The following CYP4F11 variants were observed in gnomAD, a reference collection of about 807,000 sequenced individuals.
CYP4F11 encodes the protein cytochrome P450 family 4 subfamily F member 11, also known as cytochrome P450 4F11.
Under a neutral mutation model 62.2 loss-of-function variants are expected in CYP4F11, and 79 were observed. The observed-to-expected ratio is 1.27, with a 90% CI of 1.06 to 1.53. The LOEUF (loss-of-function observed/expected upper bound fraction) is 1.53. CYP4F11 is among the 40% of genes most tolerant of loss of function. The pLI is 0.00. For synonymous variants in CYP4F11, 290 were observed against 263.7 expected (o/e 1.10, Z -0.97); for missense variants, 777 against 680.5 (o/e 1.14, Z -1.58).
intron 8 of CYP4F11, among the ~76,000 whole-genome samples, chr19:15,917,818 T>A (rs1381344892): frequency 1.3e-5 from 2 of 152,192 alleles, no homozygotes; most frequent in Non-Finnish European, 2.9e-5. Context: ...TATCCCACTC[T>A]TATTTAAGGA....
chr19:15,913,979 T>C, intron 11 of CYP4F11, 70 bp from the exon 12 acceptor site: 1 of 1,538,010 alleles, frequency 6.5e-7, no homozygotes, highest in East Asian at 2.3e-5. Context: ...GCTTAGAACC[T>C]GGCCTGGGAC....
intron 1 of CYP4F11, 116 bp from the exon 2 acceptor site, chr19:15,929,717 A>G (rs1250609676): frequency 8.3e-7 from 1 of 1,205,438 alleles, no homozygotes; most frequent in Non-Finnish European, 1.2e-6. Context: ...ATGCTGGTAA[A>G]ACATTATTTC....
intron 2 of CYP4F11, 26 bp from the exon 3 acceptor site, chr19:15,927,509 G>T: frequency 6.2e-7 from 1 of 1,612,758 alleles, no homozygotes; most frequent in Non-Finnish European, 8.5e-7. Context: ...ACCATCAGTG[G>T]CCATGGAGAG....
chr19:15,928,951 G>C (rs976392708), intron 2 of CYP4F11, among the ~76,000 whole-genome samples: 1 of 152,184 alleles, frequency 6.6e-6, no homozygotes, highest in Non-Finnish European at 1.5e-5. Flanking sequence ...GGACAGACAA[G>C]GCTGATGCCA....
At chr19:15,927,648 G>C (rs935635634) in intron 2 of CYP4F11, 165 bp from the exon 3 acceptor site, 3 of 862,786 alleles carry the variant, frequency 3.5e-6, no homozygotes, top group Middle Eastern at 5.9e-4. Context: ...GGAGGAAGGA[G>C]AGACCAGACC....
rs2145036117 is a variant in CYP4F11 at position 15,914,859 on chromosome 19, G to A, written c.1152C>T (p.Cys384=). ...DLAQLPFLTM[C]IKESLRLHPP... is the part of the protein sequence containing the mutation. ...GATGCAACCGCAGGCTCTCCTTAAT[G>A]CACATGGTCAGGAAGGGCAGCTGGG... Residue 384 remains cysteine (C), a synonymous_variant, in exon 9 of 12, where the codon TGC becomes TGT. Transcript: ENST00000402119. 1.9e-6 allele frequency: 3 copies of A among 1,614,144 alleles called. No homozygotes were observed. The highest frequency in any genetic ancestry group is 2.5e-6 in the Non-Finnish European group (3 of 1,180,014).
Position 15,927,291 on chromosome 19 carries a change from C to A in CYP4F11, c.446G>T (p.Arg149Leu). 1 of 1,614,142 alleles carries A rather than the reference C, an allele frequency of 6.2e-7. No homozygotes were observed. The highest frequency in any genetic ancestry group is 1.1e-5 in the South Asian group (1 of 91,076). The change falls in exon 4 of 12, where the codon CGG becomes CTG. Residue 149 changes from arginine to leucine, a missense_variant. Transcript: ENST00000402119. ...GAAATGGAAGGCAGGCGTCAACATC[C>A]GACGGTGGCGGCTCCACTTGTCACC... ...SGGDKWSRHR[R>L]MLTPAFHFNI...
In CYP4F11 at chr19:15,923,892, T is replaced by G; in HGVS notation, c.838A>C (p.Thr280Pro). Residue 280 changes from threonine (T) to proline (P), a missense_variant, in exon 6 of 12, where the codon ACT becomes CCT. Transcript: ENST00000402119. ...VIQERRCTLP[T>P]QGIDDFLKNK... Reference sequence around the variant, plus strand: ...TTGAGGAAATCATCAATACCCTGAGTGGGGAGGGTGCAGCGCCGCTCCTGG... The same window carrying G: ...TTGAGGAAATCATCAATACCCTGAGGGGGGAGGGTGCAGCGCCGCTCCTGG... 2 of 1,614,072 alleles carry G rather than the reference T, an allele frequency of 1.2e-6. No homozygotes were observed. Among genetic ancestry groups the G allele is most frequent in the Non-Finnish European group, 1.7e-6 (2 of 1,180,008 alleles).
intron 1 of CYP4F11, among the ~76,000 whole-genome samples, chr19:15,930,760 C>T (rs181915996): frequency 1.3e-5 from 2 of 152,096 alleles, no homozygotes; most frequent in East Asian, 1.9e-4. Flanking sequence ...GCAGTGTGGC[C>T]TCAGGACATG....
intron 4 of CYP4F11, among the ~76,000 whole-genome samples, chr19:15,926,485 C>T (rs2089669747): frequency 6.6e-6 from 1 of 152,240 alleles, no homozygotes; most frequent in South Asian, 2.1e-4. Context: ...TCCCTTTGCA[C>T]TGTGATTTCC....
intron 8 of CYP4F11, among the ~76,000 whole-genome samples, 176 bp from the exon 9 acceptor site, chr19:15,915,071 C>T (rs1441388736): frequency 1.3e-5 from 2 of 151,900 alleles, no homozygotes; most frequent in African/African-American, 4.8e-5. Context: ...TAGAAAAGTA[C>T]CAGAAAAAAA....
At chr19:15,922,200 G>A (rs958786060) in intron 7 of CYP4F11, 34 bp from the exon 8 acceptor site, 1 of 1,602,180 alleles carries the variant, frequency 6.2e-7, no homozygotes. Context: ...GGGTTTCTGG[G>A]CTGCTTCAGC....
chr19:15,914,892 G>C lies in CYP4F11; in HGVS notation c.1119C>G (p.Asp373Glu), dbSNP rs146262579. 2 of 1,614,032 alleles carry C rather than the reference G, an allele frequency of 1.2e-6. No individual in the cohort carries two copies. Among genetic ancestry groups the C allele is most frequent in the Non-Finnish European group, 1.7e-6 (2 of 1,179,984 alleles). Residue 373 changes from aspartate to glutamate, a missense_variant, in exon 9 of 12, where the codon GAC becomes GAG. Transcript: ENST00000402119. ...TCAGGAAGGGCAGCTGGGCCAGGTC[G>C]TCCCTAAGAAAACACCCCAGCCCCA... ...KDREPIEIEW[D>E]DLAQLPFLTM... is the part of the protein sequence containing the mutation.
At chr19:15,915,387 T>C (rs1271228901) in intron 8 of CYP4F11, among the ~76,000 whole-genome samples, 1 of 152,232 alleles carries the variant, frequency 6.6e-6, no homozygotes, top group African/African-American at 2.4e-5. Flanking sequence ...GGAAAACATT[T>C]ATAAACATTT....
rs144011208 is a variant in CYP4F11 at position 15,913,330 on chromosome 19, G to A, written c.*402C>T. The A allele has an allele frequency of 1.0e-2, 2,021 of 202,210 alleles. 23 individuals are homozygous for A. The highest frequency in any genetic ancestry group is 0.015 in the Non-Finnish European group (1,470 of 97,392). The allele number at this position is 202,210 out of a possible 1,614,324, so 12.5% of individuals were successfully genotyped here. On this transcript the variant is annotated 3_prime_UTR_variant, in exon 12 of 12. Transcript: ENST00000402119. The stretch of plus-strand genomic sequence containing the variant: ...CCCTTTCCCTTTGTTCTGAGCTGAG[G>A]ACTCCAGTCTTGGGAGGACATTCCC...
rs202181290 is a variant in CYP4F11 at position 15,912,745 on chromosome 19, ATGTGTGTG to A, written c.*979_*986del. 99 of 85,952 alleles carry A rather than the reference ATGTGTGTG, an allele frequency of 1.2e-3. 5 individuals carry two copies. Among genetic ancestry groups the A allele is most frequent in the East Asian group, 3.3e-3 (10 of 3,008 alleles). The allele number at this position is 85,952 out of a possible 1,614,324, so 5.3% of individuals were successfully genotyped here. A position where few individuals can be genotyped will look rare whatever the true frequency, so the allele number is the denominator to read the frequency against. On this transcript the variant is annotated 3_prime_UTR_variant, in exon 12 of 12. Coordinates refer to ENST00000402119, the MANE Select transcript of CYP4F11 (RefSeq NM_021187.4). The stretch of plus-strand genomic sequence containing the variant: ...TGTGTGTGTGTGTGTATATGTATAT[ATGTGTGTG>A]TGTGTGTGTGTGTGTGTGTATATAT...
chr19:15,924,201 T>C, intron 5 of CYP4F11, 119 bp from the exon 6 acceptor site: 1 of 1,250,606 alleles, frequency 8.0e-7, no homozygotes. Flanking sequence ...GAGACTTGAC[T>C]CTCCAAACTC....
upstream of CYP4F11, chr19:15,934,843 C>G (rs572709426): frequency 5.7e-6 from 1 of 176,276 alleles, no homozygotes; most frequent in Non-Finnish European, 1.2e-5. Context: ...CTCCTCTCCC[C>G]CTCTGCTAGG....
intron 5 of CYP4F11, 77 bp downstream of exon 5, chr19:15,924,684 C>T (rs3746154): frequency 0.59 from 914,095 of 1,552,474 alleles, 272,921 homozygotes; most frequent in Non-Finnish European, 0.61. Context: ...CTTCTGGTTA[C>T]CCCGGTCAGC....
Sources: gnomAD v4.1 joint callset for allele counts (sites outside exome capture counted in the v4.1 genomes callset) on GRCh38, gnomAD v4.1.1 for gene constraint, MANE v1.5 for transcripts, NCBI Gene and HGNC (gene_info 2026-07-23, HGNC 2026-07-21) for gene names.